CDKAL1: variants seen among roughly 807,000 people sequenced by gnomAD.
CDKAL1 encodes the protein CDKAL1 threonylcarbamoyladenosine tRNA methylthiotransferase.
In CDKAL1, 32 loss-of-function variants were observed where a neutral mutation model predicts 68.2. The observed-to-expected ratio is 0.47, with a 90% CI of 0.35 to 0.63. The LOEUF is 0.63. CDKAL1 is among the 30% of genes least tolerant of loss of function. The pLI, the probability that CDKAL1 is intolerant of heterozygous loss-of-function variation, is 0.00. For missense variants in CDKAL1, 606 were observed against 696.7 expected, an observed-to-expected ratio of 0.87 and a Z score of 1.47; for synonymous variants, 234 against 244.3, an observed-to-expected ratio of 0.96 and a Z score of 0.39.
At chr6:20,647,314 C>T (rs180706593) in intron 4 of CDKAL1, among the ~76,000 whole-genome samples, 1 of 152,164 alleles carries the variant, frequency 6.6e-6, no homozygotes, top group Admixed American at 6.5e-5. Flanking sequence ...TTTCTTGAAG[C>T]TCATTTCTAA....
At chr6:20,840,064 G>A (rs1307041421) in intron 8 of CDKAL1, among the ~76,000 whole-genome samples, 1 of 152,122 alleles carries the variant, frequency 6.6e-6, no homozygotes, top group Non-Finnish European at 1.5e-5. Context: ...TGGTGATAAA[G>A]GAAATTCAAA....
chr6:20,677,238 T>A (rs1770158286), intron 5 of CDKAL1, among the ~76,000 whole-genome samples: 1 of 151,148 alleles, frequency 6.6e-6, no homozygotes, highest in Non-Finnish European at 1.5e-5. Context: ...GCCTGGCTAA[T>A]TTTTGTATTA....
chr6:20,800,002 A>G (rs910626974), intron 8 of CDKAL1, among the ~76,000 whole-genome samples: 16 of 152,244 alleles, frequency 1.1e-4, no homozygotes, highest in African/African-American at 3.9e-4. Flanking sequence ...TCTTAGCCAT[A>G]TATTTGGAAG....
chr6:20,690,080 A>G (rs6911357), intron 5 of CDKAL1, among the ~76,000 whole-genome samples: 148,505 of 152,302 alleles, frequency 0.98, 72,421 homozygotes, highest in East Asian at 1. Flanking sequence ...TTAACATGCT[A>G]GCATATGACT....
chr6:21,060,153 C>G (rs1029669187), intron 11 of CDKAL1, among the ~76,000 whole-genome samples: 8 of 151,982 alleles, frequency 5.3e-5, no homozygotes, highest in Non-Finnish European at 7.4e-5. Context: ...ACCATGAAAC[C>G]ATATAGTCTT....
At chr6:20,763,269 G>A (rs984860702) in intron 7 of CDKAL1, among the ~76,000 whole-genome samples, 2 of 152,100 alleles carry the variant, frequency 1.3e-5, no homozygotes, top group South Asian at 4.2e-4. Flanking sequence ...CACAGCTCTT[G>A]TCTGGTGACC....
intron 8 of CDKAL1, among the ~76,000 whole-genome samples, chr6:20,840,574 T>A (rs1034856767): frequency 6.6e-6 from 1 of 152,198 alleles, no homozygotes; most frequent in Non-Finnish European, 1.5e-5. Context: ...TGGAGGGATT[T>A]CATTTTAGGC....
intron 10 of CDKAL1, among the ~76,000 whole-genome samples, chr6:20,998,445 C>G (rs1767239813): frequency 6.6e-6 from 1 of 152,070 alleles, no homozygotes. Context: ...AACCCCATCT[C>G]TACTAAAACC....
At chr6:21,088,137 C>A (rs1207913154) in intron 12 of CDKAL1, among the ~76,000 whole-genome samples, 3 of 152,118 alleles carry the variant, frequency 2.0e-5, no homozygotes, top group Non-Finnish European at 4.4e-5. Context: ...TGTCCCTTGT[C>A]CCTATCAATG....
intron 12 of CDKAL1, among the ~76,000 whole-genome samples, chr6:21,085,757 T>G (rs566702676): frequency 6.6e-6 from 1 of 152,292 alleles, no homozygotes; most frequent in East Asian, 1.9e-4. Flanking sequence ...CTTGGGAATT[T>G]TCCTAGATAA....
intron 11 of CDKAL1, among the ~76,000 whole-genome samples, chr6:21,025,615 T>C (rs1271317878): frequency 6.6e-6 from 1 of 152,172 alleles, no homozygotes; most frequent in Admixed American, 6.6e-5. Context: ...GAATTTTAAC[T>C]ATTATTTTCT....
At chr6:20,606,054 A>G (rs1281782039) in intron 4 of CDKAL1, among the ~76,000 whole-genome samples, 1 of 152,110 alleles carries the variant, frequency 6.6e-6, no homozygotes, top group Non-Finnish European at 1.5e-5. Flanking sequence ...AGCTGGGGCA[A>G]TTGTAGGGCC....
rs924358979 is a variant in CDKAL1 at position 20,837,745 on chromosome 6, A to ATAG, written c.639-8328_639-8327insGTA. On this transcript the variant is annotated intron_variant, in intron 8 of 15. Coordinates refer to ENST00000274695, the MANE Select transcript of CDKAL1 (RefSeq NM_017774.3). ...CATAAATTTGGCTTCACTTCAGCAT[A>ATAG]TAATAATAATAATAATAATACTTTT... Among the ~76,000 whole-genome samples, 110 of 21,112 alleles carry ATAG rather than the reference A, an allele frequency of 5.2e-3. 1 individual carries two copies. Among genetic ancestry groups the ATAG allele is most frequent in the African/African-American group, 7.4e-3 (105 of 14,226 alleles). The allele number at this position is 21,112 out of a possible 152,430, so 13.9% of individuals were successfully genotyped here.
At chr6:21,144,103 AATC>A (rs1350534454) in intron 13 of CDKAL1, among the ~76,000 whole-genome samples, 2 of 152,188 alleles carry the variant, frequency 1.3e-5, no homozygotes, top group Non-Finnish European at 2.9e-5. Flanking sequence ...TATGTGCCCA[AATC>A]ATCATGTTAG....
intron 8 of CDKAL1, among the ~76,000 whole-genome samples, chr6:20,785,670 T>C (rs1399214645): frequency 6.6e-6 from 1 of 152,174 alleles, no homozygotes; most frequent in African/African-American, 2.4e-5. Flanking sequence ...CTTTTAAATG[T>C]TTTAATATGA....
At chr6:20,592,737 G>T (rs1238581732) in intron 4 of CDKAL1, among the ~76,000 whole-genome samples, 4 of 152,152 alleles carry the variant, frequency 2.6e-5, no homozygotes, top group Non-Finnish European at 5.9e-5. Flanking sequence ...AAAGTGCTGG[G>T]ATTACAGGTG....
intron 9 of CDKAL1, among the ~76,000 whole-genome samples, chr6:20,895,523 A>T (rs1432554048): frequency 1.3e-5 from 2 of 152,218 alleles, no homozygotes; most frequent in Non-Finnish European, 2.9e-5. Context: ...TAAAGTGTCT[A>T]TCAGAAGAAT....
chr6:20,920,636 T>C (rs1190249115), intron 9 of CDKAL1, among the ~76,000 whole-genome samples: 1 of 152,254 alleles, frequency 6.6e-6, no homozygotes, highest in East Asian at 1.9e-4. Context: ...TTTAGGATTA[T>C]ATACTGCCAT....
At chr6:20,706,266 G>C (rs1482421053) in intron 5 of CDKAL1, among the ~76,000 whole-genome samples, 2 of 152,148 alleles carry the variant, frequency 1.3e-5, no homozygotes, top group Non-Finnish European at 2.9e-5. Flanking sequence ...AGGCAAACCT[G>C]TTTGGGGCTG....
Sources: gnomAD v4.1 joint callset for allele counts (sites outside exome capture counted in the v4.1 genomes callset) on GRCh38, gnomAD v4.1.1 for gene constraint, MANE v1.5 for transcripts, NCBI Gene and HGNC (gene_info 2026-07-23, HGNC 2026-07-21) for gene names.